XPA: variants seen among roughly 807,000 people sequenced by gnomAD.
XPA encodes the protein DNA repair protein complementing XP-A cells.
Under a neutral mutation model 35.7 loss-of-function variants are expected in XPA, and 27 were observed. The ratio of observed to expected loss-of-function variants is 0.76; its 90% CI spans 0.56 to 1.04. The LOEUF is 1.04. Among genes scored for constraint, XPA ranks in the 50% least tolerant of loss-of-function variants. The pLI, the probability that XPA is intolerant of heterozygous loss-of-function variation, is 0.00. For synonymous variants in XPA, 133 were observed against 118.4 expected, an observed-to-expected ratio of 1.12 and a Z score of -0.80; for missense variants, 354 against 342.7, an observed-to-expected ratio of 1.03 and a Z score of -0.26.
chr9:97,671,805 C>A (rs534194537), downstream of XPA: 7 of 152,250 alleles, frequency 4.6e-5, no homozygotes, highest in Admixed American at 6.5e-5. Context: ...TCAAATTTGT[C>A]TTAATGTAAA....
At chr9:97,662,005 C>G in the XPA span, 2 of 1,476,924 alleles carry the variant, frequency 1.4e-6, no homozygotes, top group Admixed American at 1.7e-5. Flanking sequence ...AATTGCTGTG[C>G]TTACATTTTT....
chr9:97,670,134 G>T, downstream of XPA: 1 of 288,288 alleles, frequency 3.5e-6, no homozygotes, highest in Non-Finnish European at 6.9e-6. Flanking sequence ...TGTTGGCCAG[G>T]CTAGTCTCAA....
chr9:97,675,602 T>G lies in XPA; in HGVS notation c.674-15A>C, dbSNP rs546533459. On this transcript the variant is annotated splice_polypyrimidine_tract_variant and intron_variant, in intron 5 of 5. Transcript: ENST00000375128. ...TCGCCGCAATTCTGAAAAAAAAATT[T>G]TAAAGTCATCTTTTCAGTGGTGCTA... The G allele has an allele frequency of 6.2e-7, 1 of 1,613,956 alleles. No individual in the cohort carries two copies. The highest frequency in any genetic ancestry group is 1.1e-5 in the South Asian group (1 of 91,080).
chr9:97,668,904 T>C, the XPA span: 4 of 1,613,562 alleles, frequency 2.5e-6, no homozygotes, highest in Non-Finnish European at 8.5e-7. Flanking sequence ...GAGGAACAAA[T>C]AGAACGACTT....
At chr9:97,696,409 A>G (rs1829043345) in intron 1 of XPA, among the ~76,000 whole-genome samples, 1 of 152,228 alleles carries the variant, frequency 6.6e-6, no homozygotes, top group Admixed American at 6.5e-5. Flanking sequence ...AATTTACTTC[A>G]ATCAATAAAC....
downstream of XPA, chr9:97,670,168 G>A (rs1033221987): frequency 9.5e-5 from 22 of 230,414 alleles, no homozygotes; most frequent in Non-Finnish European, 1.8e-4. Context: ...GGAGGCCTCC[G>A]CCTCCCAAAG....
chr9:97,667,715 C>T, the XPA span, among the ~76,000 whole-genome samples: 1 of 152,218 alleles, frequency 6.6e-6, no homozygotes, highest in East Asian at 1.9e-4. Flanking sequence ...CTGTCCAACA[C>T]AGTAGCCACT....
intron 4 of XPA, among the ~76,000 whole-genome samples, chr9:97,685,437 T>G (rs1380257601): frequency 6.6e-6 from 1 of 152,172 alleles, no homozygotes; most frequent in Non-Finnish European, 1.5e-5. Flanking sequence ...CGCAGGAAAT[T>G]ACCAATTACT....
intron 4 of XPA, among the ~76,000 whole-genome samples, chr9:97,686,027 C>T (rs556563017): frequency 1.3e-5 from 2 of 152,128 alleles, no homozygotes; most frequent in East Asian, 1.9e-4. Context: ...TTTTAATCAG[C>T]GGCATTTAAA....
intron 2 of XPA, among the ~76,000 whole-genome samples, chr9:97,692,028 C>CA (rs1828907885): frequency 6.6e-6 from 1 of 151,910 alleles, no homozygotes; most frequent in Non-Finnish European, 1.5e-5. Context: ...TGCAGTGGCT[C>CA]ACGCCTGTAA....
intron 5 of XPA, among the ~76,000 whole-genome samples, chr9:97,680,505 C>T (rs904361223): frequency 6.6e-6 from 1 of 152,130 alleles, no homozygotes; most frequent in Non-Finnish European, 1.5e-5. Context: ...GGATTACAGG[C>T]ATAAGCCACT....
chr9:97,693,050 CT>C (rs201521443), intron 2 of XPA, among the ~76,000 whole-genome samples: 11,287 of 139,376 alleles, frequency 0.081, 966 homozygotes, highest in African/African-American at 0.21. Flanking sequence ...TGGAATAGGT[CT>C]TTTTTTTTTT....
chr9:97,691,133 A>G (rs1462705516), intron 2 of XPA, among the ~76,000 whole-genome samples: 1 of 152,236 alleles, frequency 6.6e-6, no homozygotes, highest in Non-Finnish European at 1.5e-5. Flanking sequence ...GCATGGTAAT[A>G]GAAGAGAGAC....
chr9:97,665,313 T>C, the XPA span, among the ~76,000 whole-genome samples: 1 of 152,234 alleles, frequency 6.6e-6, no homozygotes, highest in Non-Finnish European at 1.5e-5. Context: ...TTTTAACCAT[T>C]GTCCTGAGTG....
downstream of XPA, chr9:97,674,762 TA>T (rs1248361168): frequency 2.7e-6 from 1 of 374,476 alleles, no homozygotes; most frequent in East Asian, 5.3e-5. Flanking sequence ...TAGCACTACT[TA>T]AAATAAACAT....
intron 4 of XPA, among the ~76,000 whole-genome samples, chr9:97,686,696 G>A (rs1280659008): frequency 6.6e-6 from 1 of 152,106 alleles, no homozygotes; most frequent in East Asian, 1.9e-4. Context: ...CGAGGCCAAA[G>A]CAGGAGGATC....
chr9:97,663,009 C>T, the XPA span: 1 of 1,612,982 alleles, frequency 6.2e-7, no homozygotes, highest in Admixed American at 1.7e-5. Flanking sequence ...GTTACATGTG[C>T]TAAGAGTTAT....
At chr9:97,666,063 C>G in the XPA span, among the ~76,000 whole-genome samples, 1 of 152,260 alleles carries the variant, frequency 6.6e-6, no homozygotes, top group South Asian at 2.1e-4. Flanking sequence ...CTGCACAGTT[C>G]AAACCTGTAT....
At chr9:97,671,843 G>A (rs931128668), downstream of XPA, 1 of 152,160 alleles carries the variant, frequency 6.6e-6, no homozygotes, top group African/African-American at 2.4e-5. Flanking sequence ...AAGTTATTTT[G>A]AAATTTAAAC....
Sources: gnomAD v4.1 joint callset for allele counts (sites outside exome capture counted in the v4.1 genomes callset) on GRCh38, gnomAD v4.1.1 for gene constraint, MANE v1.5 for transcripts, NCBI Gene and HGNC (gene_info 2026-07-23, HGNC 2026-07-21) for gene names.